HDAC9: variants seen among roughly 807,000 people sequenced by gnomAD.
The protein encoded by HDAC9 is MEF-2 interacting transcription repressor (MITR) protein.
Under a neutral mutation model 139.4 loss-of-function variants are expected in HDAC9, and 41 were observed. The ratio of observed to expected loss-of-function variants is 0.29; its 90% CI spans 0.23 to 0.38. The LOEUF is 0.38. Ranked by LOEUF, HDAC9 falls within the 10% of genes least tolerant of loss-of-function variation. HDAC9 has a pLI of 1.00. For synonymous variants in HDAC9, 517 were observed against 476.2 expected (o/e 1.09, Z -1.12); for missense variants, 1,147 against 1,297.0 (o/e 0.88, Z 1.78).
intron 2 of HDAC9, among the ~76,000 whole-genome samples, chr7:18,267,282 T>A (rs1796063958): frequency 6.6e-6 from 1 of 152,176 alleles, no homozygotes; most frequent in South Asian, 2.1e-4. Context: ...TCTTTCATAC[T>A]ACTTTTTTTG....
chr7:18,116,204 CA>C (rs1316098544), intron 1 of HDAC9, among the ~76,000 whole-genome samples: 1 of 151,972 alleles, frequency 6.6e-6, no homozygotes, highest in African/African-American at 2.4e-5. Context: ...TAGATTAGTT[CA>C]TTTTTTAGGT....
In HDAC9 at chr7:18,191,230, T is replaced by C. The variant is rs180727909; in HGVS notation, c.25+28881T>C. On this transcript the variant is annotated intron_variant, in intron 2 of 12. Coordinates refer to the HDAC9 transcript ENST00000417496. ...CAATAAAGTAAGCTATACAAAAAAA[T>C]TAAGAAAATCATAAGGAAGGAAAGA... Among the ~76,000 whole-genome samples, 626 of 152,234 alleles carry C rather than the reference T, an allele frequency of 4.1e-3. 4 individuals carry two copies. The highest frequency in any genetic ancestry group is 6.6e-3 in the Non-Finnish European group (452 of 68,008).
chr7:18,649,183 G>T lies in HDAC9; in HGVS notation c.1467+500G>T, dbSNP rs568330699. On this transcript the variant is annotated intron_variant, in intron 11 of 25. Transcript: ENST00000686413. ...TTGGAGTAGTTTCTCGGAAACTTGT[G>T]ATCATTTCTTCCTGGAAGTCTTAAT... Among the ~76,000 whole-genome samples the T allele has an allele frequency of 2.0e-5, 3 of 152,228 alleles. No homozygotes were observed. In the East Asian group the frequency reaches 5.8e-4, roughly 29 times the overall value.
At chr7:18,915,079 A>G (rs1249798206) in intron 22 of HDAC9, among the ~76,000 whole-genome samples, 2 of 152,048 alleles carry the variant, frequency 1.3e-5, no homozygotes, top group African/African-American at 4.8e-5. Flanking sequence ...ACAACAATAA[A>G]TCAATTTGTA....
chr7:18,510,231 G>C (rs1263801756), intron 2 of HDAC9, among the ~76,000 whole-genome samples: 1 of 152,118 alleles, frequency 6.6e-6, no homozygotes, highest in African/African-American at 2.4e-5. Context: ...TTAACGAAGG[G>C]AATTTGGGAA....
intron 1 of HDAC9, among the ~76,000 whole-genome samples, chr7:18,349,409 G>C (rs1024128217): frequency 1.3e-5 from 2 of 150,478 alleles, no homozygotes; most frequent in African/African-American, 4.9e-5. Context: ...CTATAGCAGT[G>C]ATCAACAGCT....
At chr7:18,964,707 G>A (rs1783737206) in intron 24 of HDAC9, among the ~76,000 whole-genome samples, 1 of 152,182 alleles carries the variant, frequency 6.6e-6, no homozygotes, top group Non-Finnish European at 1.5e-5. Context: ...GGTGGCAGGT[G>A]AGAGAGAGCA....
chr7:18,613,732 T>C (rs1161085089), intron 6 of HDAC9, among the ~76,000 whole-genome samples: 3 of 152,144 alleles, frequency 2.0e-5, no homozygotes, highest in Non-Finnish European at 4.4e-5. Flanking sequence ...AAAATGTGTA[T>C]CATCTGATTC....
At chr7:18,664,070 C>A (rs953169076) in intron 11 of HDAC9, among the ~76,000 whole-genome samples, 1 of 152,154 alleles carries the variant, frequency 6.6e-6, no homozygotes, top group South Asian at 2.1e-4. Flanking sequence ...GTTCCTACAA[C>A]TTTGTAGTCA....
At chr7:18,378,606 TATATAC>T (rs1242449324) in intron 1 of HDAC9, among the ~76,000 whole-genome samples, 3 of 152,078 alleles carry the variant, frequency 2.0e-5, no homozygotes, top group Admixed American at 6.6e-5. Context: ...AGTGAAATTA[TATATAC>T]ATATACATAT....
intron 1 of HDAC9, among the ~76,000 whole-genome samples, chr7:18,387,801 T>C (rs996356766): frequency 6.6e-6 from 1 of 152,166 alleles, no homozygotes; most frequent in African/African-American, 2.4e-5. Context: ...ATTCCAATAG[T>C]GTGATGTGGT....
intron 21 of HDAC9, among the ~76,000 whole-genome samples, chr7:18,873,218 T>C (rs1799064640): frequency 6.6e-6 from 1 of 152,136 alleles, no homozygotes; most frequent in Non-Finnish European, 1.5e-5. Flanking sequence ...AAAAACATAA[T>C]ACAATTGTGT....
chr7:18,336,347 A>G (rs1384436003), intron 1 of HDAC9, among the ~76,000 whole-genome samples: 1 of 151,584 alleles, frequency 6.6e-6, no homozygotes, highest in African/African-American at 2.4e-5. Context: ...TTTGTGTCCC[A>G]TGTTTTCACA....
chr7:18,853,596 A>C (rs550318507), intron 21 of HDAC9, among the ~76,000 whole-genome samples: 2 of 152,174 alleles, frequency 1.3e-5, no homozygotes, highest in Admixed American at 1.3e-4. Flanking sequence ...AATGAGAATT[A>C]AGCATGTGCC....
intron 2 of HDAC9, among the ~76,000 whole-genome samples, chr7:18,538,755 T>C (rs1811733857): frequency 6.6e-6 from 1 of 152,204 alleles, no homozygotes. Flanking sequence ...ATTGTAAAAT[T>C]ATAATGAAGA....
intron 21 of HDAC9, among the ~76,000 whole-genome samples, chr7:18,871,239 C>T (rs1798894095): frequency 6.6e-6 from 1 of 152,164 alleles, no homozygotes; most frequent in Non-Finnish European, 1.5e-5. Flanking sequence ...TATTGGTTCA[C>T]ATGTCCTGTT....
At chr7:18,242,075 T>G (rs562404218) in intron 2 of HDAC9, among the ~76,000 whole-genome samples, 1 of 152,300 alleles carries the variant, frequency 6.6e-6, no homozygotes, top group East Asian at 1.9e-4. Context: ...CTGGATCCCA[T>G]GCATTTCCCC....
intron 16 of HDAC9, among the ~76,000 whole-genome samples, chr7:18,768,969 C>T (rs538479625): frequency 6.6e-6 from 1 of 152,272 alleles, no homozygotes; most frequent in African/African-American, 2.4e-5. Context: ...AAACTGTAGG[C>T]TAACATAAAT....
intron 1 of HDAC9, among the ~76,000 whole-genome samples, chr7:18,426,464 A>T (rs1370924699): frequency 6.6e-6 from 1 of 152,236 alleles, no homozygotes; most frequent in Admixed American, 6.5e-5. Flanking sequence ...TATATAATTT[A>T]CAATTGAATT....
Sources: allele counts gnomAD v4.1 joint callset (sites outside exome capture counted in the v4.1 genomes callset), GRCh38; gene constraint gnomAD v4.1.1; transcripts MANE v1.5; gene names NCBI Gene and HGNC (gene_info 2026-07-23, HGNC 2026-07-21).